The following SLC26A8 variants were observed in gnomAD, a reference collection of about 807,000 sequenced individuals.
SLC26A8 encodes the protein solute carrier family 26 member 8.
Under a neutral mutation model 105.0 loss-of-function variants are expected in SLC26A8, and 70 were observed. The ratio of observed to expected loss-of-function variants is 0.67; its 90% CI spans 0.55 to 0.81. The LOEUF (loss-of-function observed/expected upper bound fraction) is 0.81. Among genes scored for constraint, SLC26A8 ranks in the 40% least tolerant of loss-of-function variants. SLC26A8 has a pLI of 0.00. For synonymous variants in SLC26A8, 415 were observed against 438.3 expected (o/e 0.95, Z 0.66); for missense variants, 998 against 1,181.8 (o/e 0.84, Z 2.28).
rs1377139830 is a variant in SLC26A8, at chr6:36,004,851, G to A, written c.329-4743C>T. ...TTTTTTTTTTTTTTTTTTTAGTAGA[G>A]ACAAGGGTTTCACCATGTTGCCCAG... is the stretch of plus-strand genomic sequence containing the variant. On this transcript the variant is annotated intron_variant, in intron 3 of 19. Coordinates refer to ENST00000490799, the MANE Select transcript of SLC26A8 (RefSeq NM_052961.4). 2.2e-5 allele frequency among the ~76,000 whole-genome samples: 3 copies of A among 134,022 alleles called. No homozygotes were observed. In the Admixed American group the frequency reaches 2.4e-4, roughly 11 times the overall value. 87.9% of individuals were successfully genotyped at this position (134,022 alleles called of 152,430 possible). A position where few individuals can be genotyped will look rare whatever the true frequency, so the allele number is the denominator to read the frequency against.
At chr6:35,955,009 C>T in intron 17 of SLC26A8, 143 bp downstream of exon 17, 1 of 865,594 alleles carries the variant, frequency 1.2e-6, no homozygotes, top group Non-Finnish European at 1.8e-6. Context: ...TTATATTGTA[C>T]TGCCTTTGGT....
At chr6:35,969,904 CAG>C (rs1772722113) in intron 10 of SLC26A8, 1 of 152,224 alleles carries the variant, frequency 6.6e-6, no homozygotes, top group Non-Finnish European at 1.5e-5. Context: ...ACTTTGGGCT[CAG>C]TGTCTCTTGG....
intron 17 of SLC26A8, among the ~76,000 whole-genome samples, 159 bp from the exon 18 acceptor site, chr6:35,951,658 A>G (rs1004635275): frequency 6.6e-6 from 1 of 152,058 alleles, no homozygotes; most frequent in African/African-American, 2.4e-5. Context: ...GGCTCACTGC[A>G]ACCTCCGCCT....
At chr6:35,956,924 GAA>G (rs11286224) in intron 16 of SLC26A8, among the ~76,000 whole-genome samples, 2,426 of 137,042 alleles carry the variant, frequency 0.018, 31 homozygotes, top group African/African-American at 0.036. Context: ...CATCTCAAAA[GAA>G]AAAAAAAAAA....
chr6:35,945,850 C>T (rs1050475758), intron 19 of SLC26A8, among the ~76,000 whole-genome samples: 4 of 152,250 alleles, frequency 2.6e-5, no homozygotes, highest in African/African-American at 9.6e-5. Flanking sequence ...CTTGCATCAG[C>T]CTTGAATCAG....
At chr6:36,001,832 A>C (rs547343180) in intron 3 of SLC26A8, among the ~76,000 whole-genome samples, 7 of 152,340 alleles carry the variant, frequency 4.6e-5, no homozygotes, top group Middle Eastern at 6.8e-3. Flanking sequence ...GGAGGAACTC[A>C]GGCCTGCCAA....
chr6:36,012,337 G>A lies in SLC26A8; in HGVS notation c.224C>T (p.Thr75Ile). The A allele has an allele frequency of 1.2e-6, 2 of 1,605,570 alleles. No individual in the cohort carries two copies. Among genetic ancestry groups the A allele is most frequent in the Non-Finnish European group, 1.7e-6 (2 of 1,177,146 alleles). ...CATCCATTCTAGGAAGGGAAAGATTGTAAGCACGCATCGTAGGAACCTGTG... is the reference window on the plus strand; with the variant it reads ...CATCCATTCTAGGAAGGGAAAGATTATAAGCACGCATCGTAGGAACCTGTG... ...SWHRFLRCVLTIFPFLEWMCM... is the reference protein window; with the variant it reads ...SWHRFLRCVLIIFPFLEWMCM... The change falls in exon 3 of 20, where the codon ACA becomes ATA. Residue 75 changes from threonine (T) to isoleucine (I), a missense_variant. Coordinates refer to ENST00000490799, the MANE Select transcript of SLC26A8 (RefSeq NM_052961.4).
intron 7 of SLC26A8, among the ~76,000 whole-genome samples, chr6:35,987,530 C>T (rs1031518329): frequency 1.3e-5 from 2 of 152,112 alleles, no homozygotes; most frequent in African/African-American, 4.8e-5. Flanking sequence ...CAACACCATG[C>T]CCAGCTAATT....
chr6:36,018,601 G>A (rs1762052016), intron 2 of SLC26A8, among the ~76,000 whole-genome samples: 1 of 152,200 alleles, frequency 6.6e-6, no homozygotes, highest in Non-Finnish European at 1.5e-5. Context: ...ACAACATTGC[G>A]AATGTCAATC....
intron 19 of SLC26A8, 62 bp downstream of exon 19, chr6:35,951,101 A>ACCCCACCCCCCCCAGCCCACAAT: frequency 1.9e-6 from 2 of 1,072,408 alleles, no homozygotes; most frequent in Non-Finnish European, 2.5e-6. Flanking sequence ...ACCACCCCTC[A>ACCCCACCCCCCCCAGCCCACAAT]CCCATCCCCC....
intron 11 of SLC26A8, among the ~76,000 whole-genome samples, chr6:35,968,132 T>C (rs1339431173): frequency 3.3e-5 from 5 of 149,642 alleles, no homozygotes; most frequent in Admixed American, 6.7e-5. Flanking sequence ...ACACCACTCT[T>C]GGCCTATAAC....
In SLC26A8 at chr6:35,951,235, G is replaced by T; in HGVS notation, c.2400C>A (p.Val800=). 6.2e-7 allele frequency: 1 copy of T among 1,614,012 alleles called. No individual in the cohort carries two copies. Among genetic ancestry groups the T allele is most frequent in the South Asian group, 1.1e-5 (1 of 91,050 alleles). The change falls in exon 19 of 20, where the codon GTC becomes GTA. Residue 800 remains valine, a synonymous_variant. Coordinates refer to ENST00000490799, the MANE Select transcript of SLC26A8 (RefSeq NM_052961.4). ...DAVLFALSRK[V]IGSSELSIDE... is the part of the protein sequence containing the mutation. ...CGATGCTTAACTCAGAGGAGCCTAT[G>T]ACCTTCCTTGACAAGGCAAACAGCA...
At chr6:35,975,731 T>C (rs1202020661) in intron 9 of SLC26A8, among the ~76,000 whole-genome samples, 1 of 151,706 alleles carries the variant, frequency 6.6e-6, no homozygotes, top group Non-Finnish European at 1.5e-5. Context: ...CTGACCAACA[T>C]GGAGAAACCC....
Position 35,955,653 on chromosome 6 carries a change from G to A in SLC26A8, c.1864-133C>T, listed in dbSNP as rs188805901. On this transcript the variant is annotated intron_variant, in intron 16 of 19. Transcript: ENST00000490799. ...GAAACTTCTCCCGAGAGTAGGTACT[G>A]TGCATTTTTTACTTGGATATCTGTC... 11 of 1,182,036 alleles carry A rather than the reference G, an allele frequency of 9.3e-6. No homozygotes were observed. The East Asian group carries it at 2.7e-4, about 29-fold the overall frequency. 73.2% of individuals were successfully genotyped at this position (1,182,036 alleles called of 1,614,324 possible).
At chr6:36,019,992 T>C (rs541599572) in intron 1 of SLC26A8, among the ~76,000 whole-genome samples, 1 of 152,336 alleles carries the variant, frequency 6.6e-6, no homozygotes, top group East Asian at 1.9e-4. Context: ...TAGTTTTCTT[T>C]ATATTCAGTT....
chr6:35,999,732 G>A (rs1190730628), intron 4 of SLC26A8, among the ~76,000 whole-genome samples: 1 of 152,162 alleles, frequency 6.6e-6, no homozygotes, highest in Non-Finnish European at 1.5e-5. Flanking sequence ...ATTCCAATGT[G>A]TGATGATTTC....
intron 7 of SLC26A8, among the ~76,000 whole-genome samples, chr6:35,986,809 C>A (rs765917348): frequency 1.3e-5 from 2 of 151,510 alleles, no homozygotes; most frequent in Non-Finnish European, 2.9e-5. Flanking sequence ...TTTTAAAAAT[C>A]ATTTTTTGTT....
At chr6:35,994,015 AAAAC>A (rs1386073350) in intron 5 of SLC26A8, among the ~76,000 whole-genome samples, 3 of 152,326 alleles carry the variant, frequency 2.0e-5, no homozygotes, top group African/African-American at 4.8e-5. Context: ...AAGCTCTCAG[AAAAC>A]AAACAAATTT....
At position 35,943,854 on chromosome 6, in the gene SLC26A8, G is replaced by C; in HGVS notation, c.*46C>G. ...TGGACAATTGACCCCTTTTTGGGTA[G>C]GAGGATTTGCCAGCATTATCTGACC... On this transcript the variant is annotated 3_prime_UTR_variant, in exon 20 of 20. Coordinates refer to ENST00000490799, the MANE Select transcript of SLC26A8 (RefSeq NM_052961.4). The C allele has an allele frequency of 6.3e-7, 1 of 1,582,390 alleles. No homozygotes were observed. The highest frequency in any genetic ancestry group is 8.6e-7 in the Non-Finnish European group (1 of 1,163,100).
Sources: gnomAD v4.1 joint callset for allele counts (sites outside exome capture counted in the v4.1 genomes callset) on GRCh38, gnomAD v4.1.1 for gene constraint, MANE v1.5 for transcripts, NCBI Gene and HGNC (gene_info 2026-07-23, HGNC 2026-07-21) for gene names.